Variants in TNRC6B observed in about 807,000 individuals in gnomAD.
TNRC6B encodes trinucleotide repeat-containing gene 6B protein.
In TNRC6B, 52 loss-of-function variants were observed where a neutral mutation model predicts 203.6. The observed-to-expected ratio is 0.26, with a 90% CI of 0.20 to 0.32. TNRC6B has a LOEUF of 0.32. Among genes scored for constraint, TNRC6B ranks in the 10% least tolerant of loss-of-function variants. TNRC6B has a pLI of 1.00. For missense variants in TNRC6B, 1,923 were observed against 2,286.2 expected (o/e 0.84, Z 3.24); for synonymous variants, 838 against 845.7 (o/e 0.99, Z 0.16).
chr22:40,053,391 C>T (rs148324956), intron 1 of TNRC6B, among the ~76,000 whole-genome samples: 128 of 152,200 alleles, frequency 8.4e-4, no homozygotes, highest in African/African-American at 3.0e-3. Flanking sequence ...GTCAAAAGTC[C>T]TGGATTCATT....
At chr22:40,247,269 C>A (rs1029289335) in intron 2 of TNRC6B, among the ~76,000 whole-genome samples, 1 of 152,090 alleles carries the variant, frequency 6.6e-6, no homozygotes, top group South Asian at 2.1e-4. Context: ...AGGGTCCCTG[C>A]CCTGGTGCTA....
intron 3 of TNRC6B, among the ~76,000 whole-genome samples, chr22:40,134,025 A>C (rs543748092): frequency 2.6e-5 from 4 of 152,062 alleles, no homozygotes; most frequent in Admixed American, 6.5e-5. Flanking sequence ...GAGATGGTGA[A>C]AAATTTGATT....
intron 2 of TNRC6B, among the ~76,000 whole-genome samples, chr22:40,124,321 CTTT>C (rs545893898): frequency 6.0e-5 from 8 of 133,982 alleles, no homozygotes; most frequent in Non-Finnish European, 8.0e-5. Flanking sequence ...ATCTTTTTAC[CTTT>C]TTTTTTTTTT....
intron 1 of TNRC6B, among the ~76,000 whole-genome samples, chr22:40,064,380 T>G (rs2067878229): frequency 6.6e-6 from 1 of 152,148 alleles, no homozygotes; most frequent in South Asian, 2.1e-4. Context: ...TGATTTTTTT[T>G]TTTTTAAGAT....
At chr22:40,189,141 T>C (rs1271273840) in intron 1 of TNRC6B, among the ~76,000 whole-genome samples, 1 of 152,204 alleles carries the variant, frequency 6.6e-6, no homozygotes, top group Admixed American at 6.5e-5. Context: ...ATATTTTTGA[T>C]GCCCAGAGTG....
chr22:40,203,637 C>G (rs1405892671), intron 1 of TNRC6B, among the ~76,000 whole-genome samples: 1 of 150,618 alleles, frequency 6.6e-6, no homozygotes, highest in Non-Finnish European at 1.5e-5. Context: ...GTTTTGAGAC[C>G]AAGTGTTTTC....
intron 2 of TNRC6B, among the ~76,000 whole-genome samples, chr22:40,118,984 T>C (rs1250773111): frequency 2.6e-5 from 4 of 152,196 alleles, no homozygotes; most frequent in Non-Finnish European, 5.9e-5. Context: ...GTCTGCCATA[T>C]TGGCAAAGCT....
intron 1 of TNRC6B, among the ~76,000 whole-genome samples, chr22:40,231,834 A>C (rs2146451011): frequency 6.6e-6 from 1 of 152,318 alleles, no homozygotes; most frequent in South Asian, 2.1e-4. Flanking sequence ...GATGATCTGG[A>C]AGCTGCTGCA....
chr22:40,265,973 A>AAGT lies in TNRC6B; in HGVS notation c.1747_1749dup (p.Ser583dup), dbSNP rs754253494. The AAGT allele has an allele frequency of 1.1e-5, 18 of 1,614,004 alleles. No homozygotes were observed. The highest frequency in any genetic ancestry group is 1.3e-5 in the Non-Finnish European group (15 of 1,179,898). On this transcript the variant is annotated inframe_insertion, in exon 5 of 23. Coordinates refer to ENST00000454349, the MANE Select transcript of TNRC6B (RefSeq NM_001162501.2). The stretch of plus-strand genomic sequence containing the variant: ...GCACTGGAAGCAACCACAAAGCAGG[A>AAGT]AGTAGTGACAGTCATAACTCTGGCC...
intron 1 of TNRC6B, among the ~76,000 whole-genome samples, chr22:40,089,915 A>G (rs371554190): frequency 1.3e-5 from 2 of 152,214 alleles, no homozygotes; most frequent in East Asian, 3.9e-4. Context: ...TTTCTTTTCC[A>G]GATGTTATGT....
intron 12 of TNRC6B, among the ~76,000 whole-genome samples, chr22:40,298,042 G>A (rs988439103): frequency 7.2e-6 from 1 of 138,620 alleles, no homozygotes; most frequent in Non-Finnish European, 1.6e-5. Context: ...GGAGAATGGC[G>A]TGAACCCAGG....
chr22:40,153,513 T>A (rs1356513620), intron 3 of TNRC6B, among the ~76,000 whole-genome samples: 2 of 148,200 alleles, frequency 1.3e-5, no homozygotes, highest in Non-Finnish European at 3.0e-5. Context: ...AGTTTGAGGA[T>A]GAATTAATGA....
At chr22:40,178,543 A>G (rs1359748276) in intron 1 of TNRC6B, among the ~76,000 whole-genome samples, 1 of 152,230 alleles carries the variant, frequency 6.6e-6, no homozygotes, top group Non-Finnish European at 1.5e-5. Context: ...TTCGGCTGCT[A>G]AGGCCGACAA....
intron 2 of TNRC6B, among the ~76,000 whole-genome samples, chr22:40,247,634 G>C (rs771882141): frequency 6.6e-6 from 1 of 152,168 alleles, no homozygotes; most frequent in Non-Finnish European, 1.5e-5. Context: ...GATTTTGTCT[G>C]CTTTTAATTG....
chr22:40,253,935 A>G (rs2070231707), intron 3 of TNRC6B, among the ~76,000 whole-genome samples: 1 of 152,214 alleles, frequency 6.6e-6, no homozygotes, highest in African/African-American at 2.4e-5. Flanking sequence ...TTTCCCCAAC[A>G]GTTGCTAGAA....
intron 11 of TNRC6B, among the ~76,000 whole-genome samples, chr22:40,283,372 C>G (rs1240500106): frequency 3.3e-5 from 5 of 152,068 alleles, no homozygotes; most frequent in Admixed American, 1.3e-4. Flanking sequence ...TGGGGTCTTG[C>G]TTATGTTGCC....
At chr22:40,086,822 C>A (rs924760411) in intron 1 of TNRC6B, among the ~76,000 whole-genome samples, 1 of 152,186 alleles carries the variant, frequency 6.6e-6, no homozygotes, top group African/African-American at 2.4e-5. Context: ...AATTGATTGT[C>A]CTCTCTCTGC....
chr22:40,181,681 A>G (rs1370252162), intron 1 of TNRC6B, among the ~76,000 whole-genome samples: 1 of 152,188 alleles, frequency 6.6e-6, no homozygotes, highest in Non-Finnish European at 1.5e-5. Context: ...GTGGTGGCTC[A>G]CGCCTGTGAT....
At chr22:40,210,966 A>G (rs2069553708) in intron 1 of TNRC6B, among the ~76,000 whole-genome samples, 1 of 152,124 alleles carries the variant, frequency 6.6e-6, no homozygotes, top group South Asian at 2.1e-4. Flanking sequence ...ATGTCTCTAT[A>G]TATTGTCAGA....
Sources: allele counts gnomAD v4.1 joint callset (sites outside exome capture counted in the v4.1 genomes callset), GRCh38; gene constraint gnomAD v4.1.1; transcripts MANE v1.5; gene names NCBI Gene and HGNC (gene_info 2026-07-23, HGNC 2026-07-21).